CADPS2: variants seen among roughly 807,000 people sequenced by gnomAD.
CADPS2 encodes calcium dependent secretion activator 2, also known as calcium-dependent secretion activator 2.
In CADPS2, 93 loss-of-function variants were observed where a neutral mutation model predicts 172.5. The observed-to-expected ratio is 0.54, with a 90% CI of 0.46 to 0.64. The LOEUF (loss-of-function observed/expected upper bound fraction) is 0.64. CADPS2 is among the 30% of genes least tolerant of loss of function. The pLI, the probability that CADPS2 is intolerant of heterozygous loss-of-function variation, is 0.00. For synonymous variants in CADPS2, 546 were observed against 555.2 expected (o/e 0.98, Z 0.23); for missense variants, 1,420 against 1,565.9 (o/e 0.91, Z 1.57).
intron 25 of CADPS2, among the ~76,000 whole-genome samples, chr7:122,362,977 A>T (rs890957297): frequency 5.3e-5 from 8 of 152,222 alleles, no homozygotes; most frequent in Admixed American, 4.6e-4. Flanking sequence ...TGCATTTTTA[A>T]AGAATGAGAA....
intron 2 of CADPS2, chr7:122,702,867 G>T (rs1588558920): frequency 4.2e-6 from 3 of 718,912 alleles, no homozygotes; most frequent in Non-Finnish European, 4.6e-6. Context: ...AATGGAAAAG[G>T]TCTCCCTGGA....
intron 8 of CADPS2, among the ~76,000 whole-genome samples, chr7:122,528,389 A>C (rs2061457280): frequency 6.6e-6 from 1 of 152,190 alleles, no homozygotes; most frequent in South Asian, 2.1e-4. Context: ...GTTTCTAAAG[A>C]GTACCTGTAT....
At chr7:122,469,814 G>C (rs1428257586) in intron 14 of CADPS2, among the ~76,000 whole-genome samples, 2 of 150,394 alleles carry the variant, frequency 1.3e-5, no homozygotes, top group African/African-American at 5.0e-5. Flanking sequence ...AACAGAAGCA[G>C]GTGTGTGTCT....
chr7:122,595,527 T>G (rs2071626827), intron 6 of CADPS2, among the ~76,000 whole-genome samples: 1 of 152,088 alleles, frequency 6.6e-6, no homozygotes, highest in Non-Finnish European at 1.5e-5. Flanking sequence ...AAAGCAAATA[T>G]TCCTCAGCTG....
chr7:122,423,360 T>G (rs1202289594), intron 17 of CADPS2, among the ~76,000 whole-genome samples: 1 of 151,976 alleles, frequency 6.6e-6, no homozygotes, highest in African/African-American at 2.4e-5. Flanking sequence ...TGTCTGCCAG[T>G]TTTTAGAACT....
In CADPS2 at chr7:122,320,327, C is replaced by A; in HGVS notation, c.3729G>T (p.Arg1243Ser). 6.3e-7 allele frequency: 1 copy of A among 1,595,196 alleles called. No homozygotes were observed. The highest frequency in any genetic ancestry group is 8.5e-7 in the Non-Finnish European group (1 of 1,170,934). ...CCAACACACCCTGCAATCGAAAGTCCCTGTAGGTTTTCTGAAGAAAGAAGA... is the reference window on the plus strand; with the variant it reads ...CCAACACACCCTGCAATCGAAAGTCACTGTAGGTTTTCTGAAGAAAGAAGA... ...TLIKIVKKTY[R>S]DFRLQGVLEG... The change falls in exon 30 of 30, where the codon AGG becomes AGT. Residue 1243 changes from arginine (R) to serine (S), a missense_variant. Physicochemically the swap from Arg to Ser is moderately radical, Grantham distance 110. Transcript: ENST00000449022.
intron 2 of CADPS2, among the ~76,000 whole-genome samples, chr7:122,695,264 TGAG>T (rs1482354638): frequency 2.0e-5 from 3 of 152,196 alleles, no homozygotes; most frequent in Non-Finnish European, 4.4e-5. Flanking sequence ...CTAATTTATC[TGAG>T]GAGTGAATAA....
intron 3 of CADPS2, among the ~76,000 whole-genome samples, chr7:122,657,950 G>A (rs891277409): frequency 2.6e-5 from 4 of 152,042 alleles, no homozygotes; most frequent in East Asian, 3.9e-4. Flanking sequence ...GAGTGAACAG[G>A]CAACCTACAG....
chr7:122,671,917 G>C (rs2081907675), intron 2 of CADPS2, among the ~76,000 whole-genome samples: 1 of 152,114 alleles, frequency 6.6e-6, no homozygotes, highest in Non-Finnish European at 1.5e-5. Context: ...GAACCAGTAA[G>C]GTTTACTGAT....
chr7:122,468,870 T>G (rs1207331546), intron 14 of CADPS2, among the ~76,000 whole-genome samples: 1 of 152,174 alleles, frequency 6.6e-6, no homozygotes, highest in Non-Finnish European at 1.5e-5. Flanking sequence ...AGGCTCAAAT[T>G]TCCCTCAACC....
intron 1 of CADPS2, among the ~76,000 whole-genome samples, chr7:122,777,349 G>A (rs1672342821): frequency 6.6e-6 from 1 of 152,074 alleles, no homozygotes; most frequent in African/African-American, 2.4e-5. Context: ...TATGGCTGTT[G>A]GAGCTCCAGC....
At position 122,393,529 on chromosome 7, in the gene CADPS2, A is replaced by G; in HGVS notation, c.2800T>C (p.Leu934=). 2 of 1,613,884 alleles carry G rather than the reference A, an allele frequency of 1.2e-6. No homozygotes were observed. Among genetic ancestry groups the G allele is most frequent in the Non-Finnish European group, 1.7e-6 (2 of 1,179,844 alleles). The change falls in exon 21 of 30, where the codon TTG becomes CTG. Residue 934 remains leucine, a synonymous_variant. Coordinates refer to ENST00000449022, the MANE Select transcript of CADPS2 (RefSeq NM_017954.11). The part of the protein sequence containing the change: ...HKHLQEIFVP[L]VVRYVDLMES... ...ATGAGATCCACATAGCGGACAACCAAGGGTACAAAGATTTCTTGCAAGTGT... is the reference window on the plus strand; with the variant it reads ...ATGAGATCCACATAGCGGACAACCAGGGGTACAAAGATTTCTTGCAAGTGT...
At chr7:122,884,734 G>T (rs150373738) in intron 1 of CADPS2, among the ~76,000 whole-genome samples, 2 of 152,312 alleles carry the variant, frequency 1.3e-5, no homozygotes, top group Non-Finnish European at 2.9e-5. Flanking sequence ...TTAACTATAG[G>T]TGTGTACTTA....
At chr7:122,423,289 A>T (rs1041886873) in intron 17 of CADPS2, among the ~76,000 whole-genome samples, 1 of 152,092 alleles carries the variant, frequency 6.6e-6, no homozygotes, top group Non-Finnish European at 1.5e-5. Context: ...AAGATAAGAG[A>T]GTGGGAAATT....
In CADPS2 at chr7:122,701,958, A is replaced by G. The variant is rs761596562; in HGVS notation, c.453+34997T>C. 6.1e-5 allele frequency: 98 copies of G among 1,613,570 alleles called. No homozygotes were observed. The highest frequency in any genetic ancestry group is 4.9e-4 in the Middle Eastern group (3 of 6,080). On this transcript the variant is annotated intron_variant, in intron 2 of 29. Transcript: ENST00000449022. The stretch of plus-strand genomic sequence containing the variant: ...ATGCGTACTACATCTTGGGGTTTGT[A>G]TGTGTCAAAGCAAACAACACAGTTG...
chr7:122,830,028 A>AG (rs1806060857), intron 1 of CADPS2, among the ~76,000 whole-genome samples: 1 of 151,944 alleles, frequency 6.6e-6, no homozygotes, highest in African/African-American at 2.4e-5. Flanking sequence ...TATTAAAAAA[A>AG]AAAACAGTAC....
At chr7:122,806,583 G>A (rs142298513) in intron 1 of CADPS2, among the ~76,000 whole-genome samples, 103 of 152,188 alleles carry the variant, frequency 6.8e-4, no homozygotes, top group East Asian at 5.2e-3. Flanking sequence ...ACAACAACCC[G>A]AATGATTTTA....
At chr7:122,702,903 A>C in intron 2 of CADPS2, 1 of 582,786 alleles carries the variant, frequency 1.7e-6, no homozygotes, top group African/African-American at 1.9e-5. Context: ...TCCTTCCAGT[A>C]TTTTAATATT....
At chr7:122,634,747 C>T (rs762639052) in intron 3 of CADPS2, among the ~76,000 whole-genome samples, 2 of 152,014 alleles carry the variant, frequency 1.3e-5, no homozygotes, top group South Asian at 2.1e-4. Context: ...ATTGTTAGAT[C>T]GTTAATTTGA....
Sources: allele counts gnomAD v4.1 joint callset (sites outside exome capture counted in the v4.1 genomes callset), GRCh38; gene constraint gnomAD v4.1.1; transcripts MANE v1.5; gene names NCBI Gene and HGNC (gene_info 2026-07-23, HGNC 2026-07-21).